SLC35F1: variants seen among roughly 807,000 people sequenced by gnomAD.
The protein encoded by SLC35F1 is chromosome 6 open reading frame 169.
Under a neutral mutation model 48.7 loss-of-function variants are expected in SLC35F1, and 14 were observed. That is an observed-to-expected ratio of 0.29 (90% CI 0.19 to 0.45). SLC35F1 has a LOEUF of 0.45. SLC35F1 is among the 20% of genes least tolerant of loss of function. The probability of loss-of-function intolerance (pLI) is 1.00; values close to 1 mark genes in which losing one functional copy is unlikely to be tolerated. For missense variants in SLC35F1, 404 were observed against 500.0 expected (o/e 0.81, Z 1.83); for synonymous variants, 190 against 202.2 (o/e 0.94, Z 0.51).
chr6:117,979,502 C>T (rs908461097), intron 1 of SLC35F1, among the ~76,000 whole-genome samples: 2 of 152,190 alleles, frequency 1.3e-5, no homozygotes, highest in Non-Finnish European at 2.9e-5. Context: ...TTTTACCTAA[C>T]CTGCATCTAG....
intron 7 of SLC35F1, among the ~76,000 whole-genome samples, chr6:118,301,586 T>C (rs1431024177): frequency 6.6e-6 from 1 of 152,222 alleles, no homozygotes; most frequent in African/African-American, 2.4e-5. Context: ...AATATTTAGA[T>C]TTATTTTTCA....
chr6:118,077,656 A>C (rs1306140076), intron 1 of SLC35F1, among the ~76,000 whole-genome samples: 1 of 152,256 alleles, frequency 6.6e-6, no homozygotes, highest in Admixed American at 6.5e-5. Context: ...TGGACAGCAG[A>C]TTGAAGATTT....
At chr6:118,145,683 A>G (rs1443698233) in intron 1 of SLC35F1, among the ~76,000 whole-genome samples, 2 of 152,204 alleles carry the variant, frequency 1.3e-5, no homozygotes, top group African/African-American at 2.4e-5. Flanking sequence ...CTAAGTATAC[A>G]GTATACCTTA....
intron 4 of SLC35F1, among the ~76,000 whole-genome samples, chr6:118,274,327 C>G (rs1305389258): frequency 6.6e-6 from 1 of 152,120 alleles, no homozygotes; most frequent in African/African-American, 2.4e-5. Context: ...GGAAGTTTGC[C>G]CAATTCTAGG....
At chr6:118,196,476 G>A (rs1008318242) in intron 2 of SLC35F1, among the ~76,000 whole-genome samples, 1 of 152,152 alleles carries the variant, frequency 6.6e-6, no homozygotes, top group Non-Finnish European at 1.5e-5. Context: ...AGCACTTTGG[G>A]AGGCTGAGGC....
At chr6:118,136,028 A>T (rs953767666) in intron 1 of SLC35F1, among the ~76,000 whole-genome samples, 1 of 152,222 alleles carries the variant, frequency 6.6e-6, no homozygotes, top group Non-Finnish European at 1.5e-5. Context: ...AGTTATTGCC[A>T]TCATGTTAAC....
chr6:118,128,979 T>C (rs1192969857), intron 1 of SLC35F1, among the ~76,000 whole-genome samples: 3 of 152,154 alleles, frequency 2.0e-5, no homozygotes, highest in Non-Finnish European at 4.4e-5. Context: ...CATTTGTTAC[T>C]CTCTTTCTAA....
chr6:118,070,505 C>A (rs972651850), intron 1 of SLC35F1, among the ~76,000 whole-genome samples: 6 of 152,210 alleles, frequency 3.9e-5, no homozygotes, highest in Admixed American at 2.0e-4. Context: ...CATACACATA[C>A]ATAACTGAAC....
At chr6:118,077,880 C>T (rs1382868368) in intron 1 of SLC35F1, among the ~76,000 whole-genome samples, 2 of 152,188 alleles carry the variant, frequency 1.3e-5, no homozygotes, top group Non-Finnish European at 2.9e-5. Context: ...ATTACTTAAA[C>T]ATTTTTCACC....
intron 1 of SLC35F1, among the ~76,000 whole-genome samples, chr6:118,038,223 T>C (rs1261012851): frequency 1.3e-5 from 2 of 152,124 alleles, no homozygotes; most frequent in Non-Finnish European, 2.9e-5. Context: ...TTTTAAATAG[T>C]TTAAGTGGAA....
chr6:117,968,209 TAAG>T (rs1562251117), intron 1 of SLC35F1, among the ~76,000 whole-genome samples: 2 of 152,258 alleles, frequency 1.3e-5, no homozygotes, highest in African/African-American at 2.4e-5. Context: ...TAAAGGAAAA[TAAG>T]AACCTCATTT....
At chr6:117,939,064 G>T (rs1191111227) in intron 1 of SLC35F1, among the ~76,000 whole-genome samples, 6 of 144,270 alleles carry the variant, frequency 4.2e-5, no homozygotes, top group Non-Finnish European at 7.5e-5. Flanking sequence ...AGGCTGGCAT[G>T]CAGTGGCGTG....
rs1157731399 is a variant in SLC35F1 at position 117,911,380 on chromosome 6, TCCCTCCCCTC to T, written c.173+3499_173+3508del. 3.7e-5 allele frequency among the ~76,000 whole-genome samples: 5 copies of T among 135,338 alleles called. No individual in the cohort carries two copies. In the South Asian group the frequency reaches 8.0e-4, roughly 22 times the overall value. The allele number at this position is 135,338 out of a possible 152,430, so 88.8% of individuals were successfully genotyped here. A position where few individuals can be genotyped will look rare whatever the true frequency, so the allele number is the denominator to read the frequency against. On this transcript the variant is annotated intron_variant, in intron 1 of 7. Transcript: ENST00000360388. ...AATACGGCAAAGTCTTCTTCACATT[TCCCTCCCCTC>T]CCCTCCCCTCCCCTCCCTCCCTCCC... is the stretch of plus-strand genomic sequence containing the variant.
chr6:117,939,756 A>G (rs1286500839), intron 1 of SLC35F1, among the ~76,000 whole-genome samples: 1 of 151,122 alleles, frequency 6.6e-6, no homozygotes, highest in Non-Finnish European at 1.5e-5. Flanking sequence ...TTTTTTTTTC[A>G]CTTACTTTCT....
At chr6:117,933,140 C>A (rs1776122733) in intron 1 of SLC35F1, among the ~76,000 whole-genome samples, 2 of 152,160 alleles carry the variant, frequency 1.3e-5, no homozygotes, top group Admixed American at 1.3e-4. Context: ...TTTATTACTA[C>A]TGAATTGATT....
intron 1 of SLC35F1, among the ~76,000 whole-genome samples, chr6:118,110,711 A>G (rs1773386410): frequency 6.6e-6 from 1 of 152,022 alleles, no homozygotes; most frequent in Non-Finnish European, 1.5e-5. Flanking sequence ...CATTCCTTAG[A>G]TAGGATTTAA....
In SLC35F1 at chr6:118,004,812, G is replaced by A. The variant is rs576190223; in HGVS notation, c.173+96913G>A. The stretch of plus-strand genomic sequence containing the variant: ...GATCCTCCCGCCTTGGCCTCTCAAA[G>A]TGCTGAGGAATACAGGCAAGCCAAT... On this transcript the variant is annotated intron_variant, in intron 1 of 7. Coordinates refer to ENST00000360388, the MANE Select transcript of SLC35F1 (RefSeq NM_001029858.4). Among the ~76,000 whole-genome samples the A allele has an allele frequency of 3.3e-5, 5 of 152,038 alleles. No individual in the cohort carries two copies. In the South Asian group the frequency reaches 1.0e-3, roughly 32 times the overall value.
intron 1 of SLC35F1, among the ~76,000 whole-genome samples, chr6:118,088,609 TC>T (rs1437604340): frequency 1.6e-4 from 24 of 152,102 alleles, no homozygotes; most frequent in African/African-American, 5.8e-4. Flanking sequence ...AATCTTATAT[TC>T]AAAATAAATA....
intron 1 of SLC35F1, among the ~76,000 whole-genome samples, chr6:118,133,895 C>T (rs546545492): frequency 1.3e-5 from 2 of 152,338 alleles, no homozygotes; most frequent in African/African-American, 2.4e-5. Context: ...CAATCCAGTG[C>T]TCTGCTTCCT....
Sources: allele counts gnomAD v4.1 joint callset (sites outside exome capture counted in the v4.1 genomes callset), GRCh38; gene constraint gnomAD v4.1.1; transcripts MANE v1.5; gene names NCBI Gene and HGNC (gene_info 2026-07-23, HGNC 2026-07-21).